UNC13C: variants seen among roughly 807,000 people sequenced by gnomAD.
The protein encoded by UNC13C is unc-13 homolog C, also known as protein unc-13 homolog C.
UNC13C carries 174 observed loss-of-function variants against 245.4 expected under a neutral mutation model. That is an observed-to-expected ratio of 0.71 (90% CI 0.63 to 0.80). The LOEUF (loss-of-function observed/expected upper bound fraction) is 0.80, where lower values mean the gene tolerates loss of function less well. Ranked by LOEUF, UNC13C falls within the 30% of genes least tolerant of loss-of-function variation. The pLI, the probability that UNC13C is intolerant of heterozygous loss-of-function variation, is 0.00. For missense variants in UNC13C, 2,829 were observed against 2,602.9 expected (o/e 1.09, Z -1.89); for synonymous variants, 992 against 895.1 (o/e 1.11, Z -1.93).
At chr15:54,579,573 C>G (rs1480918236) in intron 30 of UNC13C, among the ~76,000 whole-genome samples, 2 of 151,872 alleles carry the variant, frequency 1.3e-5, no homozygotes, top group Non-Finnish European at 2.9e-5. Flanking sequence ...CCAGCTAACA[C>G]AGTGAAACCT....
intron 2 of UNC13C, among the ~76,000 whole-genome samples, chr15:54,087,818 T>C (rs1899328511): frequency 6.6e-6 from 1 of 152,188 alleles, no homozygotes; most frequent in African/African-American, 2.4e-5. Context: ...GTTACCAAAG[T>C]TTTTGTCTGT....
intron 2 of UNC13C, among the ~76,000 whole-genome samples, chr15:54,121,934 C>G (rs916963281): frequency 6.6e-6 from 1 of 151,658 alleles, no homozygotes; most frequent in East Asian, 1.9e-4. Flanking sequence ...ATTGTATTAC[C>G]TATTTTTATC....
At chr15:54,164,524 T>C (rs934277234) in intron 4 of UNC13C, among the ~76,000 whole-genome samples, 1 of 152,142 alleles carries the variant, frequency 6.6e-6, no homozygotes. Flanking sequence ...AAAACATCAG[T>C]AGGACAGTGC....
intron 17 of UNC13C, among the ~76,000 whole-genome samples, chr15:54,365,310 C>T (rs1419732725): frequency 6.6e-6 from 1 of 152,110 alleles, no homozygotes; most frequent in African/African-American, 2.4e-5. Context: ...ATTTTCATAG[C>T]ACCTTGGGGA....
chr15:54,408,230 C>A (rs76815514), intron 18 of UNC13C, among the ~76,000 whole-genome samples: 2,128 of 54,372 alleles, frequency 0.039, no homozygotes, highest in Non-Finnish European at 0.058. Flanking sequence ...AAAAAAAAAA[C>A]ATGGGCAAGA....
chr15:54,169,648 T>A (rs1015232721), intron 4 of UNC13C, among the ~76,000 whole-genome samples: 9 of 152,190 alleles, frequency 5.9e-5, no homozygotes, highest in African/African-American at 2.2e-4. Context: ...TGACCTGTTT[T>A]CTTTCCTTGA....
chr15:54,362,363 A>G (rs139010680), intron 17 of UNC13C, among the ~76,000 whole-genome samples: 59 of 152,294 alleles, frequency 3.9e-4, no homozygotes, highest in Non-Finnish European at 6.8e-4. Flanking sequence ...GCCAGCTTGG[A>G]GGAGGGAGCA....
intron 2 of UNC13C, among the ~76,000 whole-genome samples, chr15:54,140,897 A>AT (rs1339794568): frequency 6.6e-6 from 1 of 152,194 alleles, no homozygotes; most frequent in African/African-American, 2.4e-5. Context: ...GGAGACAAGA[A>AT]AACAGTCAAA....
intron 10 of UNC13C, among the ~76,000 whole-genome samples, chr15:54,287,685 C>G (rs1354094948): frequency 6.6e-6 from 1 of 152,114 alleles, no homozygotes; most frequent in African/African-American, 2.4e-5. Context: ...TTGCTCATAT[C>G]TCTTTGGAAG....
intron 4 of UNC13C, among the ~76,000 whole-genome samples, chr15:54,223,810 C>G (rs1317285190): frequency 1.3e-5 from 2 of 151,898 alleles, no homozygotes; most frequent in Non-Finnish European, 2.9e-5. Flanking sequence ...TCTTCAATTT[C>G]TTGCATCAAT....
the UNC13C span, among the ~76,000 whole-genome samples, chr15:53,933,312 A>T: frequency 1.3e-5 from 2 of 152,178 alleles, no homozygotes; most frequent in East Asian, 3.8e-4. Context: ...ATAGATATAT[A>T]ATGTACCTCT....
chr15:54,182,095 C>T (rs923880270), intron 4 of UNC13C, among the ~76,000 whole-genome samples: 8 of 152,014 alleles, frequency 5.3e-5, no homozygotes, highest in Non-Finnish European at 1.5e-5. Context: ...TTAGAGTGAG[C>T]ATCCTTGTCT....
intron 27 of UNC13C, among the ~76,000 whole-genome samples, chr15:54,548,844 C>A (rs1052392223): frequency 4.6e-5 from 7 of 152,114 alleles, no homozygotes; most frequent in African/African-American, 1.7e-4. Flanking sequence ...ATTCTTTGAG[C>A]TCCTACTATG....
At chr15:54,284,857 GTTAT>G (rs914001220) in intron 10 of UNC13C, among the ~76,000 whole-genome samples, 31 of 152,064 alleles carry the variant, frequency 2.0e-4, no homozygotes, top group African/African-American at 7.5e-4. Flanking sequence ...CTGTTTTAAT[GTTAT>G]TTATTAGTCA....
chr15:53,903,522 G>C, the UNC13C span, among the ~76,000 whole-genome samples: 2 of 152,168 alleles, frequency 1.3e-5, no homozygotes, highest in African/African-American at 4.8e-5. Context: ...TGTGGAACTG[G>C]ATGGCCACAA....
intron 16 of UNC13C, 124 bp downstream of exon 16, chr15:54,333,980 A>C (rs184402684): frequency 1.6e-6 from 1 of 639,466 alleles, no homozygotes; most frequent in African/African-American, 1.8e-5. Flanking sequence ...AAGCTGTACT[A>C]TCTTTGCCTG....
the UNC13C span, among the ~76,000 whole-genome samples, chr15:53,875,525 G>A: frequency 1.3e-5 from 2 of 152,070 alleles, no homozygotes; most frequent in African/African-American, 4.8e-5. Flanking sequence ...TAGATCAGGG[G>A]TGAAGATTTT....
chr15:54,349,203 T>C (rs1047329951), intron 17 of UNC13C, among the ~76,000 whole-genome samples: 1 of 150,750 alleles, frequency 6.6e-6, no homozygotes, highest in African/African-American at 2.4e-5. Flanking sequence ...AATGCCAGCT[T>C]CATGACTAGT....
chr15:54,537,457 T>C (rs1483538308), intron 26 of UNC13C, among the ~76,000 whole-genome samples: 2 of 151,986 alleles, frequency 1.3e-5, no homozygotes, highest in Non-Finnish European at 2.9e-5. Context: ...ACCAGCAATA[T>C]TTTTCACAGA....
Sources: allele counts gnomAD v4.1 joint callset (sites outside exome capture counted in the v4.1 genomes callset), GRCh38; gene constraint gnomAD v4.1.1; transcripts MANE v1.5; gene names NCBI Gene and HGNC (gene_info 2026-07-23, HGNC 2026-07-21).